Variants in BCLAF3 observed in about 807,000 individuals in gnomAD.
BCLAF3 encodes the protein transient octamer binding factor 1.
BCLAF3 carries 24 observed loss-of-function variants against 51.2 expected under a neutral mutation model. The ratio of observed to expected loss-of-function variants is 0.47; its 90% CI spans 0.34 to 0.66. The LOEUF (loss-of-function observed/expected upper bound fraction) is 0.66, where lower values mean the gene tolerates loss of function less well. Among genes scored for constraint, BCLAF3 ranks in the 30% least tolerant of loss-of-function variants. BCLAF3 has a pLI of 0.01. For synonymous variants in BCLAF3, 152 were observed against 176.6 expected (o/e 0.86, Z 1.10); for missense variants, 465 against 525.1 (o/e 0.89, Z 1.12).
rs1389431551 is a variant in BCLAF3, at chrX:19,913,569, C to G, written c.*3736G>C. The G allele has an allele frequency of 8.9e-6, 1 of 111,864 alleles. No individual in the cohort carries two copies. Among genetic ancestry groups the G allele is most frequent in the East Asian group, 2.8e-4 (1 of 3,565 alleles). 9.2% of individuals were successfully genotyped at this position (111,864 alleles called of 1,213,427 possible). ...TTGTTAAATCACAGATTGCTTGGCCCCACCCCCAGGGTTTCTGATTCAGGA... is the reference window on the plus strand; with the variant it reads ...TTGTTAAATCACAGATTGCTTGGCCGCACCCCCAGGGTTTCTGATTCAGGA... On this transcript the variant is annotated 3_prime_UTR_variant, in exon 12 of 12. Coordinates refer to ENST00000379682, the MANE Select transcript of BCLAF3 (RefSeq NM_001367774.2).
intron 1 of BCLAF3, among the ~76,000 whole-genome samples, chrX:19,977,764 A>G (rs766700584): frequency 1.8e-5 from 2 of 112,266 alleles, no homozygotes; most frequent in Non-Finnish European, 3.8e-5. Flanking sequence ...GACTTTCACA[A>G]TTAGAGAGGT....
At chrX:19,924,268 A>G (rs756978753) in intron 11 of BCLAF3, among the ~76,000 whole-genome samples, 3 of 111,272 alleles carry the variant, frequency 2.7e-5, no homozygotes, top group South Asian at 3.8e-4. Flanking sequence ...TCAAGACAAG[A>G]AGGAGGACTG....
chrX:19,950,653 T>A, intron 8 of BCLAF3, 100 bp downstream of exon 8: 1 of 533,727 alleles, frequency 1.9e-6, no homozygotes, highest in South Asian at 3.6e-5. Context: ...AAGGAGCAAA[T>A]CCCTATATTA....
intron 11 of BCLAF3, 105 bp downstream of exon 11, chrX:19,929,680 G>A (rs2070474505): frequency 7.5e-6 from 6 of 798,947 alleles, no homozygotes; most frequent in African/African-American, 6.3e-5. Flanking sequence ...AAAAACCCAG[G>A]TTGTTTCTTA....
At chrX:19,962,980 G>A (rs763141143) in intron 4 of BCLAF3, among the ~76,000 whole-genome samples, 2 of 108,588 alleles carry the variant, frequency 1.8e-5, no homozygotes, top group African/African-American at 3.3e-5. Flanking sequence ...AGCTACTCAG[G>A]AGGCTGATGC....
At chrX:19,989,424 A>T (rs2072887121) in intron 1 of BCLAF3, among the ~76,000 whole-genome samples, 1 of 111,748 alleles carries the variant, frequency 8.9e-6, no homozygotes, top group South Asian at 3.7e-4. Context: ...TGAACCCAGG[A>T]GGTGGAGGTT....
intron 1 of BCLAF3, among the ~76,000 whole-genome samples, chrX:19,986,569 A>T (rs1246737110): frequency 8.9e-6 from 1 of 111,814 alleles, no homozygotes; most frequent in Non-Finnish European, 1.9e-5. Flanking sequence ...AAACAAAAGA[A>T]GGATGTTTCA....
chrX:19,954,233 A>C, intron 5 of BCLAF3: 2 of 738,104 alleles, frequency 2.7e-6, no homozygotes, highest in Non-Finnish European at 3.2e-6. Flanking sequence ...GATGGCATAG[A>C]GCTTCACAGT....
At chrX:19,921,051 T>C (rs748454382) in intron 11 of BCLAF3, among the ~76,000 whole-genome samples, 5 of 111,265 alleles carry the variant, frequency 4.5e-5, no homozygotes, top group Admixed American at 1.9e-4. Flanking sequence ...AAGGTACAAA[T>C]ACATGAAAAT....
chrX:19,950,703 G>A (rs2071449140), intron 8 of BCLAF3, 50 bp downstream of exon 8: 1 of 939,989 alleles, frequency 1.1e-6, no homozygotes, highest in Non-Finnish European at 1.5e-6. Flanking sequence ...TAAAAATATG[G>A]TAAAACCCAA....
intron 4 of BCLAF3, among the ~76,000 whole-genome samples, chrX:19,964,530 A>G (rs942664669): frequency 9.0e-6 from 1 of 110,523 alleles, no homozygotes; most frequent in Non-Finnish European, 1.9e-5. Context: ...TCGTTGAGTC[A>G]TAAGGGAACA....
intron 9 of BCLAF3, 195 bp downstream of exon 9, chrX:19,937,223 T>C (rs2070799567): frequency 7.3e-6 from 3 of 409,035 alleles, no homozygotes; most frequent in Non-Finnish European, 1.3e-5. Flanking sequence ...ATTTAATGAA[T>C]CCAATAAAAT....
chrX:19,983,914 T>C (rs1156894555), intron 1 of BCLAF3, among the ~76,000 whole-genome samples: 2 of 94,972 alleles, frequency 2.1e-5, no homozygotes, highest in East Asian at 3.4e-4. Flanking sequence ...GCTAAAAATA[T>C]AAAAAAATGT....
rs191428704 is a variant in BCLAF3, at chrX:19,950,941, G to A, written c.1630-73C>T. ...CACAAAGACCATATCTAACAAGAAC[G>A]TTAATTACAAGTCCTAGATAAGTTA... On this transcript the variant is annotated intron_variant, in intron 7 of 11. Transcript: ENST00000379682. 365 of 679,008 alleles carry A rather than the reference G, an allele frequency of 5.4e-4. No individual in the cohort carries two copies. The African/African-American group carries it at 5.5e-3, about 10-fold the overall frequency. 56.0% of individuals were successfully genotyped at this position (679,008 alleles called of 1,213,427 possible).
intron 11 of BCLAF3, among the ~76,000 whole-genome samples, chrX:19,928,733 C>T (rs776054662): frequency 9.2e-6 from 1 of 109,261 alleles, no homozygotes; most frequent in East Asian, 2.8e-4. Flanking sequence ...CAATGGAATA[C>T]CATTCAGCCT....
intron 1 of BCLAF3, among the ~76,000 whole-genome samples, chrX:19,979,184 C>T (rs1238054491): frequency 2.7e-5 from 3 of 110,412 alleles, no homozygotes; most frequent in African/African-American, 9.9e-5. Context: ...CACTTGAACC[C>T]CCAGAAGGTG....
rs141931305 is a variant in BCLAF3 at position 19,967,904 on chromosome X, C to T, written c.42-1255G>A. On this transcript the variant is annotated intron_variant, in intron 2 of 11. Coordinates refer to ENST00000379682, the MANE Select transcript of BCLAF3 (RefSeq NM_001367774.2). ...TGCCCTCTGGAGTCACCAAGCTAGACATACTGGCAAGTGTTATTTAGCTAA... is the reference window on the plus strand; with the variant it reads ...TGCCCTCTGGAGTCACCAAGCTAGATATACTGGCAAGTGTTATTTAGCTAA... Among the ~76,000 whole-genome samples the T allele has an allele frequency of 6.4e-3, 720 of 112,099 alleles. 7 individuals are homozygous for T. The highest frequency in any genetic ancestry group is 0.022 in the African/African-American group (694 of 30,888).
chrX:19,948,614 AC>A (rs1001138767), intron 8 of BCLAF3, among the ~76,000 whole-genome samples: 2 of 108,600 alleles, frequency 1.8e-5, no homozygotes, highest in Non-Finnish European at 3.8e-5. Context: ...AAAAAAAAAT[AC>A]GAAAAATTAG....
At chrX:19,939,990 T>A (rs1035209990) in intron 8 of BCLAF3, among the ~76,000 whole-genome samples, 3 of 112,235 alleles carry the variant, frequency 2.7e-5, no homozygotes, top group Non-Finnish European at 3.8e-5. Flanking sequence ...ATGAAAAAGT[T>A]CTGGAAGTAG....
Sources: allele counts gnomAD v4.1 joint callset (sites outside exome capture counted in the v4.1 genomes callset), GRCh38; gene constraint gnomAD v4.1.1; transcripts MANE v1.5; gene names NCBI Gene and HGNC (gene_info 2026-07-23, HGNC 2026-07-21).